The following ZBTB1 variants were observed in gnomAD, a reference collection of about 807,000 sequenced individuals.
The protein encoded by ZBTB1 is zinc finger and BTB domain-containing protein 1.
Under a neutral mutation model 51.6 loss-of-function variants are expected in ZBTB1, and 13 were observed. The ratio of observed to expected loss-of-function variants is 0.25; its 90% CI spans 0.16 to 0.40. The LOEUF (loss-of-function observed/expected upper bound fraction) is 0.40. ZBTB1 is among the 10% of genes least tolerant of loss of function. The probability of loss-of-function intolerance (pLI) is 1.00; values close to 1 mark genes in which losing one functional copy is unlikely to be tolerated. For synonymous variants in ZBTB1, 240 were observed against 282.2 expected, an observed-to-expected ratio of 0.85 and a Z score of 1.50; for missense variants, 567 against 856.5, an observed-to-expected ratio of 0.66 and a Z score of 4.22.
At chr14:64,505,746 A>C (rs2079644578) in intron 1 of ZBTB1, among the ~76,000 whole-genome samples, 1 of 152,224 alleles carries the variant, frequency 6.6e-6, no homozygotes, top group Non-Finnish European at 1.5e-5. Flanking sequence ...GAGGTTGATG[A>C]AAATCCTTGA....
chr14:64,523,433 CTT>C lies in ZBTB1; in HGVS notation c.1930_1931del (p.Phe644GlnfsTer4). The C allele has an allele frequency of 6.2e-7, 1 of 1,614,168 alleles. No individual in the cohort carries two copies. The part of the protein sequence containing the change: ...YVCSICDQGN[F>X]RKHDHVRHMI... ...TCTGTTCCATTTGTGATCAAGGAAA[CTT>C]CAGAAAACATGACCATGTACGGCAT... On this transcript the variant is annotated frameshift_variant, in exon 2 of 2. Transcript: ENST00000683701. LOFTEE classifies it high-confidence loss of function. The surrounding 1 kb of genome is among the most constrained non-coding windows in gnomAD (Gnocchi z 4.5).
downstream of ZBTB1, among the ~76,000 whole-genome samples, chr14:64,528,795 T>G (rs2079923268): frequency 6.6e-6 from 1 of 152,208 alleles, no homozygotes. Context: ...GAGGTAAGTA[T>G]CATACTAATT....
rs148156657 is a variant in ZBTB1 at position 64,513,287 on chromosome 14, A to G, written c.-18-8200A>G. Among the ~76,000 whole-genome samples, 315 of 152,290 alleles carry G rather than the reference A, an allele frequency of 2.1e-3. 1 individual carries two copies. The highest frequency in any genetic ancestry group is 7.2e-3 in the African/African-American group (298 of 41,566). Reference sequence around the variant, plus strand: ...TGTAATGTATCTGTGAGAGATATATATACATCTCCCTATACATCTGCCTGG... The same window carrying G: ...TGTAATGTATCTGTGAGAGATATATGTACATCTCCCTATACATCTGCCTGG... On this transcript the variant is annotated intron_variant, in intron 1 of 1. Transcript: ENST00000683701.
downstream of ZBTB1, chr14:64,524,987 C>T (rs2079893674): frequency 7.4e-6 from 7 of 950,014 alleles, no homozygotes; most frequent in African/African-American, 1.1e-4. Context: ...ATGTAGTACC[C>T]TTTTCATAAT....
upstream of ZBTB1, chr14:64,504,023 A>G (rs1414187268): frequency 2.7e-5 from 4 of 150,764 alleles, no homozygotes; most frequent in African/African-American, 9.7e-5. Context: ...CCCACAAACA[A>G]CCGCGTGACC....
At chr14:64,505,233 AT>A (rs2079629621) in intron 1 of ZBTB1, 1 of 243,116 alleles carries the variant, frequency 4.1e-6, no homozygotes, top group Admixed American at 5.7e-5. Context: ...CTCTGCCTTT[AT>A]TTTTTTCGAG....
chr14:64,525,301 G>A (rs567759250), downstream of ZBTB1, among the ~76,000 whole-genome samples: 1 of 152,184 alleles, frequency 6.6e-6, no homozygotes, highest in Non-Finnish European at 1.5e-5. Context: ...GGCAGGGGAC[G>A]GGTAGAATAC....
chr14:64,519,194 G>T (rs1407015933), intron 1 of ZBTB1, among the ~76,000 whole-genome samples: 12 of 148,404 alleles, frequency 8.1e-5, no homozygotes, highest in Non-Finnish European at 1.3e-4. Context: ...TGTCACCCAG[G>T]CTGGAGTGTA....
At chr14:64,531,486 CAG>C (rs1453955331) in intron 2 of ZBTB1, among the ~76,000 whole-genome samples, 2 of 152,100 alleles carry the variant, frequency 1.3e-5, no homozygotes, top group East Asian at 3.9e-4. Context: ...ATGTTTCAAT[CAG>C]AGATTTGTCA....
downstream of ZBTB1, among the ~76,000 whole-genome samples, chr14:64,528,688 C>G (rs1460583641): frequency 1.3e-5 from 2 of 152,208 alleles, no homozygotes; most frequent in African/African-American, 2.4e-5. Flanking sequence ...CATCCTAGGG[C>G]TCTCACTTAA....
intron 1 of ZBTB1, among the ~76,000 whole-genome samples, chr14:64,512,108 T>A (rs949573794): frequency 1.5e-4 from 23 of 152,364 alleles, no homozygotes; most frequent in South Asian, 6.2e-4. Context: ...TAATTTTTTT[T>A]AAATTGTACT....
At chr14:64,517,781 A>ATATATATATATATATATATATATTTTT (rs1160337478) in intron 1 of ZBTB1, among the ~76,000 whole-genome samples, 1 of 41,550 alleles carries the variant, frequency 2.4e-5, no homozygotes, top group African/African-American at 8.9e-5. Flanking sequence ...ATATATATAT[A>ATATATATATATATATATATATATTTTT]TTTTTTTTTT....
intron 1 of ZBTB1, among the ~76,000 whole-genome samples, chr14:64,507,118 A>G (rs2079672843): frequency 1.3e-5 from 2 of 152,228 alleles, no homozygotes; most frequent in Admixed American, 6.5e-5. Flanking sequence ...AAGGAGAGGA[A>G]ACTATTTGGT....
In ZBTB1 at chr14:64,524,043, T is replaced by C. The variant is rs1167017442; in HGVS notation, c.*397T>C. On this transcript the variant is annotated 3_prime_UTR_variant, in exon 2 of 2. Coordinates refer to ENST00000683701, the MANE Select transcript of ZBTB1 (RefSeq NM_001123329.2). Reference sequence around the variant, plus strand: ...AACCCAGAATCATTGGCCATTTCTGTTTAAATTTTAAAAATTCCTTAAGTA... The same window carrying C: ...AACCCAGAATCATTGGCCATTTCTGCTTAAATTTTAAAAATTCCTTAAGTA... 10 of 1,002,242 alleles carry C rather than the reference T, an allele frequency of 1.0e-5. No individual in the cohort carries two copies. Among genetic ancestry groups the C allele is most frequent in the Non-Finnish European group, 1.2e-5 (10 of 831,530 alleles). The allele number at this position is 1,002,242 out of a possible 1,614,324, so 62.1% of individuals were successfully genotyped here. A position where few individuals can be genotyped will look rare whatever the true frequency, so the allele number is the denominator to read the frequency against.
In ZBTB1 at chr14:64,524,442, T is replaced by G; in HGVS notation, c.*796T>G. 5.1e-6 allele frequency: 4 copies of G among 790,966 alleles called. No individual in the cohort carries two copies. Among genetic ancestry groups the G allele is most frequent in the Non-Finnish European group, 6.1e-6 (4 of 652,774 alleles). 49.0% of individuals were successfully genotyped at this position (790,966 alleles called of 1,614,324 possible). ...AGACATATCTTGTATTCATTAAAAA[T>G]ATTTTAATTTAAAATATTCTGATTT... On this transcript the variant is annotated 3_prime_UTR_variant, in exon 2 of 2. Coordinates refer to ENST00000683701, the MANE Select transcript of ZBTB1 (RefSeq NM_001123329.2).
intron 2 of ZBTB1, among the ~76,000 whole-genome samples, chr14:64,531,699 A>G (rs1217258275): frequency 6.6e-6 from 1 of 152,202 alleles, no homozygotes; most frequent in East Asian, 1.9e-4. Context: ...TTAAATTTAA[A>G]TTCTAGGGGC....
intron 1 of ZBTB1, among the ~76,000 whole-genome samples, chr14:64,517,270 G>C (rs2079796620): frequency 6.6e-6 from 1 of 152,080 alleles, no homozygotes; most frequent in Non-Finnish European, 1.5e-5. Flanking sequence ...AGGAAACTTA[G>C]GGTCAATGAG....
At chr14:64,519,623 CAAAA>C (rs1301047170) in intron 1 of ZBTB1, among the ~76,000 whole-genome samples, 1 of 139,696 alleles carries the variant, frequency 7.2e-6, no homozygotes, top group African/African-American at 2.6e-5. Flanking sequence ...AAAAAAAAAA[CAAAA>C]AAAAACTGAA....
Position 64,522,640 on chromosome 14 carries a change from G to A in ZBTB1, c.1136G>A (p.Ser379Asn), listed in dbSNP as rs150379995. ...FYRYYVEEDV[S>N]IKKSGRKTLK... is the part of the protein sequence containing the mutation. ...AGATACTATGTTGAAGAAGATGTCA[G>A]CATAAAAAAAAGTGGTAGGAAAACT... The change falls in exon 2 of 2, where the codon AGC becomes AAC. Residue 379 changes from serine to asparagine, a missense_variant. Transcript: ENST00000683701. 2 of 1,613,994 alleles carry A rather than the reference G, an allele frequency of 1.2e-6. No homozygotes were observed. Among genetic ancestry groups the A allele is most frequent in the African/African-American group, 2.7e-5 (2 of 74,904 alleles).
Sources: gnomAD v4.1 joint callset for allele counts (sites outside exome capture counted in the v4.1 genomes callset) on GRCh38, gnomAD v4.1.1 for gene constraint, Gnocchi (gnomAD v3.1) non-coding constraint, MANE v1.5 for transcripts, NCBI Gene and HGNC (gene_info 2026-07-23, HGNC 2026-07-21) for gene names.